PSIP1: variants seen among roughly 807,000 people sequenced by gnomAD.
PSIP1 encodes PC4 and SRSF1 interacting protein 1, also known as PC4 and SFRS1-interacting protein.
PSIP1 carries 19 observed loss-of-function variants against 74.7 expected under a neutral mutation model. The ratio of observed to expected loss-of-function variants is 0.25; its 90% CI spans 0.18 to 0.37. PSIP1 has a LOEUF of 0.37. PSIP1 is among the 10% of genes least tolerant of loss of function. The pLI is 1.00. For missense variants in PSIP1, 601 were observed against 614.3 expected (o/e 0.98, Z 0.23); for synonymous variants, 222 against 195.3 (o/e 1.14, Z -1.14).
In PSIP1 at chr9:15,490,129, A is replaced by C; in HGVS notation, c.150-5T>G. ...TCCTTTGGTCCTAAAAAAGCACTAA[A>C]AAAGAAGTGGGGAAGATGTGAGTGC... On this transcript the variant is annotated splice_region_variant and splice_polypyrimidine_tract_variant and intron_variant, in intron 3 of 15. Coordinates refer to ENST00000380733, the MANE Select transcript of PSIP1 (RefSeq NM_033222.5). 6.3e-7 allele frequency: 1 copy of C among 1,574,996 alleles called. No individual in the cohort carries two copies. Among genetic ancestry groups the C allele is most frequent in the Non-Finnish European group, 8.6e-7 (1 of 1,166,040 alleles).
chr9:15,504,296 AAAC>A (rs2037481506), intron 3 of PSIP1, among the ~76,000 whole-genome samples: 1 of 152,200 alleles, frequency 6.6e-6, no homozygotes, highest in Non-Finnish European at 1.5e-5. Flanking sequence ...CCTATTAACC[AAAC>A]AACAGTTTAG....
Position 15,465,554 on chromosome 9 carries a change from TCA to T in PSIP1, c.1557_1558del (p.Glu520AsnfsTer10). ...TAGTGTAGAATCCTTCAGAGATATT[TCA>T]GTCTCTCTCTCTTCACTGGATGGCC... On this transcript the variant is annotated frameshift_variant, in exon 16 of 16. Transcript: ENST00000380733. LOFTEE classifies it high-confidence loss of function. The T allele has an allele frequency of 1.3e-6, 2 of 1,585,894 alleles. No individual in the cohort carries two copies. Among genetic ancestry groups the T allele is most frequent in the African/African-American group, 2.7e-5 (2 of 74,206 alleles).
chr9:15,497,553 C>A (rs1336243352), intron 3 of PSIP1, among the ~76,000 whole-genome samples: 1 of 151,934 alleles, frequency 6.6e-6, no homozygotes, highest in Admixed American at 6.6e-5. Flanking sequence ...TCTCGAACTC[C>A]TGACCTCGTG....
At chr9:15,472,965 A>T (rs1005262718) in intron 9 of PSIP1, among the ~76,000 whole-genome samples, 4 of 152,222 alleles carry the variant, frequency 2.6e-5, no homozygotes, top group African/African-American at 9.6e-5. Context: ...ATGCCCTGCT[A>T]TAGGAGTGAT....
In PSIP1 at chr9:15,510,283, G is replaced by C. The variant is rs1038681336; in HGVS notation, c.-95C>G. On this transcript the variant is annotated 5_prime_UTR_variant, in exon 2 of 16. Transcript: ENST00000380733. ...GGCGGCGGACGCGGGCCCAGCTACC[G>C]GGCCCGCGGGCGGGGGAGGATGCCT... The C allele has an allele frequency of 3.2e-5, 33 of 1,025,076 alleles. No individual in the cohort carries two copies. In the African/African-American group the frequency reaches 3.9e-4, roughly 12 times the overall value. 63.5% of individuals were successfully genotyped at this position (1,025,076 alleles called of 1,614,324 possible). A position where few individuals can be genotyped will look rare whatever the true frequency, so the allele number is the denominator to read the frequency against.
intron 4 of PSIP1, 103 bp from the exon 5 acceptor site, chr9:15,487,034 T>C: frequency 1.5e-6 from 1 of 678,564 alleles, no homozygotes; most frequent in Non-Finnish European, 2.2e-6. Flanking sequence ...GGTCTCACTC[T>C]ATCACCCAGG....
chr9:15,501,099 T>C (rs1053061515), intron 3 of PSIP1, among the ~76,000 whole-genome samples: 4 of 151,988 alleles, frequency 2.6e-5, no homozygotes, highest in Non-Finnish European at 4.4e-5. Context: ...ATCCCCACTT[T>C]ACAAATGACA....
At chr9:15,503,020 C>T (rs2037415882) in intron 3 of PSIP1, among the ~76,000 whole-genome samples, 1 of 152,168 alleles carries the variant, frequency 6.6e-6, no homozygotes, top group Admixed American at 6.5e-5. Context: ...TCCAAATATA[C>T]CTTTCTTCTA....
chr9:15,508,983 A>G (rs1424958108), intron 2 of PSIP1, among the ~76,000 whole-genome samples: 1 of 152,216 alleles, frequency 6.6e-6, no homozygotes, highest in South Asian at 2.1e-4. Context: ...CTTTGGAAGG[A>G]AACTTGTGAA....
rs1047910777 is a variant in PSIP1, at chr9:15,510,296, G to C, written c.-108C>G. The stretch of plus-strand genomic sequence containing the variant: ...GGCCCAGCTACCGGGCCCGCGGGCG[G>C]GGGAGGATGCCTCGGGGCGTCCCGA... On this transcript the variant is annotated 5_prime_UTR_variant, in exon 2 of 16. Coordinates refer to ENST00000380733, the MANE Select transcript of PSIP1 (RefSeq NM_033222.5). 75 of 863,648 alleles carry C rather than the reference G, an allele frequency of 8.7e-5. No homozygotes were observed. Among genetic ancestry groups the C allele is most frequent in the Non-Finnish European group, 1.1e-4 (66 of 592,294 alleles). The allele number at this position is 863,648 out of a possible 1,614,324, so 53.5% of individuals were successfully genotyped here. A position where few individuals can be genotyped will look rare whatever the true frequency, so the allele number is the denominator to read the frequency against.
chr9:15,504,738 A>G (rs554062716), intron 3 of PSIP1, among the ~76,000 whole-genome samples: 1 of 145,660 alleles, frequency 6.9e-6, no homozygotes, highest in East Asian at 2.0e-4. Context: ...CTCGGTCTCA[A>G]AAAAAAAAAA....
At chr9:15,509,486 AAAC>A (rs1450446733) in intron 2 of PSIP1, among the ~76,000 whole-genome samples, 1 of 152,206 alleles carries the variant, frequency 6.6e-6, no homozygotes, top group Non-Finnish European at 1.5e-5. Context: ...TGCCTATTGG[AAAC>A]AAAAAGGTAA....
At chr9:15,502,845 C>T (rs1446127744) in intron 3 of PSIP1, among the ~76,000 whole-genome samples, 2 of 152,140 alleles carry the variant, frequency 1.3e-5, no homozygotes, top group Non-Finnish European at 2.9e-5. Flanking sequence ...AGTTAGGGCT[C>T]ACTGTCTAAT....
chr9:15,493,128 G>A (rs972582881), intron 3 of PSIP1, among the ~76,000 whole-genome samples: 1 of 152,184 alleles, frequency 6.6e-6, no homozygotes, highest in African/African-American at 2.4e-5. Flanking sequence ...TCATCGGGCT[G>A]CAAATTTTCC....
intron 3 of PSIP1, among the ~76,000 whole-genome samples, chr9:15,504,641 G>A (rs2132230794): frequency 6.6e-6 from 1 of 152,030 alleles, no homozygotes; most frequent in Non-Finnish European, 1.5e-5. Flanking sequence ...GGAGGCTGAG[G>A]CAGGAGAATG....
intron 14 of PSIP1, 165 bp downstream of exon 14, chr9:15,468,465 C>T (rs2035721530): frequency 3.7e-6 from 3 of 814,194 alleles, no homozygotes; most frequent in African/African-American, 3.3e-5. Context: ...TCAATGCACA[C>T]TGCTCTAGTC....
chr9:15,468,035 G>A (rs1011996977), intron 14 of PSIP1, among the ~76,000 whole-genome samples: 2 of 148,482 alleles, frequency 1.3e-5, no homozygotes, highest in Admixed American at 6.6e-5. Flanking sequence ...CAGGAGAATC[G>A]CTTGAACCCA....
intron 3 of PSIP1, among the ~76,000 whole-genome samples, chr9:15,499,439 A>C (rs2132198375): frequency 6.6e-6 from 1 of 152,366 alleles, no homozygotes; most frequent in South Asian, 2.1e-4. Flanking sequence ...CTAAGTGTGT[A>C]CATGTGCATT....
At chr9:15,473,137 T>G (rs566857734) in intron 9 of PSIP1, among the ~76,000 whole-genome samples, 4 of 152,192 alleles carry the variant, frequency 2.6e-5, no homozygotes, top group Admixed American at 2.0e-4. Context: ...AACAAAAGAT[T>G]TGCATGACCT....
Sources: gnomAD v4.1 joint callset for allele counts (sites outside exome capture counted in the v4.1 genomes callset) on GRCh38, gnomAD v4.1.1 for gene constraint, MANE v1.5 for transcripts, NCBI Gene and HGNC (gene_info 2026-07-23, HGNC 2026-07-21) for gene names.